IGSF21: variants seen among roughly 807,000 people sequenced by gnomAD.
IGSF21 encodes the protein immunoglobin superfamily member 21.
IGSF21 carries 28 observed loss-of-function variants against 46.8 expected under a neutral mutation model. The observed-to-expected ratio is 0.60, with a 90% CI of 0.44 to 0.82. IGSF21 has a LOEUF of 0.82. Among genes scored for constraint, IGSF21 ranks in the 40% least tolerant of loss-of-function variants. The pLI is 0.00. For synonymous variants in IGSF21, 284 were observed against 273.6 expected, an observed-to-expected ratio of 1.04 and a Z score of -0.38; for missense variants, 624 against 665.5, an observed-to-expected ratio of 0.94 and a Z score of 0.69.
intron 2 of IGSF21, among the ~76,000 whole-genome samples, chr1:18,233,913 T>C (rs2084650367): frequency 6.6e-6 from 1 of 152,214 alleles, no homozygotes. Flanking sequence ...TTACTATCAT[T>C]GGCTCTCTCT....
At chr1:18,307,827 C>T (rs1199247673) in intron 3 of IGSF21, among the ~76,000 whole-genome samples, 2 of 152,202 alleles carry the variant, frequency 1.3e-5, no homozygotes, top group Non-Finnish European at 2.9e-5. Context: ...TGGTTCTCAT[C>T]TTCAGGGTGC....
intron 6 of IGSF21, among the ~76,000 whole-genome samples, chr1:18,370,249 G>A (rs2086211273): frequency 6.6e-6 from 1 of 152,130 alleles, no homozygotes; most frequent in Non-Finnish European, 1.5e-5. Flanking sequence ...AAACCTTCCT[G>A]TGGTAGACAA....
chr1:18,307,941 G>C (rs1043255476), intron 3 of IGSF21, among the ~76,000 whole-genome samples: 1 of 152,122 alleles, frequency 6.6e-6, no homozygotes, highest in African/African-American at 2.4e-5. Flanking sequence ...CTCCTGGATG[G>C]AACAATTGTC....
chr1:18,291,062 C>T (rs916031838), intron 2 of IGSF21, among the ~76,000 whole-genome samples: 19 of 152,232 alleles, frequency 1.2e-4, no homozygotes, highest in African/African-American at 4.6e-4. Flanking sequence ...TACCTTGCTG[C>T]TTCGTGGAGT....
At position 18,365,312 on chromosome 1, in the gene IGSF21, G is replaced by C; in HGVS notation, c.630G>C (p.Arg210Ser). Residue 210 changes from arginine to serine, a missense_variant, in exon 6 of 10, where the codon AGG becomes AGC. By Grantham distance (110) the Arg-to-Ser change is moderately radical. Transcript: ENST00000251296. This position sits in a 1 kb window ranked among gnomAD's most constrained non-coding sequence, Gnocchi z 4.8. ...GCTCCGGCCCCCTACAGGACAGCAGGCCCTTCCGCAGCCTTCTGCACCGTG... is the reference window on the plus strand; with the variant it reads ...GCTCCGGCCCCCTACAGGACAGCAGCCCCTTCCGCAGCCTTCTGCACCGTG... ...AASSGPLQDS[R>S]PFRSLLHRDL... The C allele has an allele frequency of 1.2e-6, 2 of 1,614,014 alleles. No homozygotes were observed. Among genetic ancestry groups the C allele is most frequent in the Non-Finnish European group, 1.7e-6 (2 of 1,180,008 alleles).
At chr1:18,202,627 C>T (rs978980832) in intron 1 of IGSF21, among the ~76,000 whole-genome samples, 1 of 151,852 alleles carries the variant, frequency 6.6e-6, no homozygotes, top group Non-Finnish European at 1.5e-5. Context: ...TTTGTGAAAC[C>T]ATCAGATCTC....
At chr1:18,340,160 C>T (rs1024601200) in intron 4 of IGSF21, among the ~76,000 whole-genome samples, 4 of 151,976 alleles carry the variant, frequency 2.6e-5, no homozygotes, top group African/African-American at 9.7e-5. Context: ...TTATTGAGCA[C>T]CTAGTACATT....
chr1:18,166,313 G>A (rs2086678063), intron 1 of IGSF21, among the ~76,000 whole-genome samples: 1 of 152,170 alleles, frequency 6.6e-6, no homozygotes, highest in South Asian at 2.1e-4. Context: ...AGAAAACTGA[G>A]TGTTTATCTT....
chr1:18,154,917 G>A (rs1388968042), intron 1 of IGSF21, among the ~76,000 whole-genome samples: 5 of 151,910 alleles, frequency 3.3e-5, no homozygotes, highest in Non-Finnish European at 7.4e-5. Context: ...AGGACTGTCT[G>A]GAGGAAGTGT....
At chr1:18,166,031 A>G (rs1056188053) in intron 1 of IGSF21, among the ~76,000 whole-genome samples, 30 of 152,344 alleles carry the variant, frequency 2.0e-4, no homozygotes, top group African/African-American at 7.0e-4. Context: ...TCCTTTGTTC[A>G]GTGTACTCTC....
intron 1 of IGSF21, among the ~76,000 whole-genome samples, chr1:18,191,918 C>T (rs949006945): frequency 6.6e-6 from 1 of 152,146 alleles, no homozygotes; most frequent in Non-Finnish European, 1.5e-5. Context: ...TTGTGGAAGG[C>T]GCTGGCCCTG....
chr1:18,108,269 C>T, intron 1 of IGSF21, 71 bp downstream of exon 1: 1 of 1,291,424 alleles, frequency 7.7e-7, no homozygotes, highest in Non-Finnish European at 9.8e-7. Flanking sequence ...GGGGAGGGCG[C>T]TGGCCGGGGT....
chr1:18,244,022 G>A (rs1270987815), intron 2 of IGSF21, among the ~76,000 whole-genome samples: 1 of 152,228 alleles, frequency 6.6e-6, no homozygotes, highest in East Asian at 1.9e-4. Flanking sequence ...AGCATGCCTG[G>A]AACAGTCCAG....
chr1:18,214,704 G>A (rs912092295), intron 1 of IGSF21, among the ~76,000 whole-genome samples: 9 of 152,192 alleles, frequency 5.9e-5, no homozygotes, highest in Non-Finnish European at 8.8e-5. Flanking sequence ...GAGAGAAAGC[G>A]GGAGAGAAAG....
chr1:18,218,365 G>C (rs746860888), intron 1 of IGSF21, among the ~76,000 whole-genome samples: 1 of 152,178 alleles, frequency 6.6e-6, no homozygotes, highest in Non-Finnish European at 1.5e-5. Context: ...CCAACACTGG[G>C]TATTACGATT....
At chr1:18,340,999 C>T (rs1335762137) in intron 4 of IGSF21, among the ~76,000 whole-genome samples, 165 of 114,382 alleles carry the variant, frequency 1.4e-3, no homozygotes, top group African/African-American at 5.0e-3. Flanking sequence ...TTCTTCTCCT[C>T]CTCCTCCTTC....
chr1:18,359,366 G>GAAAGA (rs1553166318), intron 4 of IGSF21, among the ~76,000 whole-genome samples: 4 of 87,338 alleles, frequency 4.6e-5, no homozygotes, highest in African/African-American at 1.7e-4. Flanking sequence ...AAGAAAGAAA[G>GAAAGA]AAAGAAAGAA....
At chr1:18,147,339 C>A (rs756322994) in intron 1 of IGSF21, among the ~76,000 whole-genome samples, 1 of 152,128 alleles carries the variant, frequency 6.6e-6, no homozygotes, top group Non-Finnish European at 1.5e-5. Flanking sequence ...CCACTCCCAC[C>A]ACTCTGGCCC....
At chr1:18,110,220 G>T (rs2086130344) in intron 1 of IGSF21, 1 of 152,290 alleles carries the variant, frequency 6.6e-6, no homozygotes, top group African/African-American at 2.4e-5. Context: ...TCGCGAATGG[G>T]AAACTTTCCG....
Sources: allele counts gnomAD v4.1 joint callset (sites outside exome capture counted in the v4.1 genomes callset), GRCh38; gene constraint gnomAD v4.1.1; non-coding constraint Gnocchi (gnomAD v3.1); transcripts MANE v1.5; gene names NCBI Gene and HGNC (gene_info 2026-07-23, HGNC 2026-07-21).